The following EVC2 variants were observed in gnomAD, a reference collection of about 807,000 sequenced individuals.
The protein encoded by EVC2 is EvC ciliary complex subunit 2.
A neutral mutation model predicts 149.3 loss-of-function variants in EVC2; 148 were observed. The observed-to-expected ratio is 0.99, with a 90% CI of 0.87 to 1.14. EVC2 has a LOEUF of 1.14. EVC2 is among the 50% of genes most tolerant of loss of function. The pLI, the probability that EVC2 is intolerant of heterozygous loss-of-function variation, is 0.00. For synonymous variants in EVC2, 776 were observed against 649.9 expected, an observed-to-expected ratio of 1.19 and a Z score of -2.95; for missense variants, 1,854 against 1,627.3, an observed-to-expected ratio of 1.14 and a Z score of -2.40.
At chr4:5,628,488 G>A in intron 12 of EVC2, 71 bp downstream of exon 12, 9 of 1,567,760 alleles carry the variant, frequency 5.7e-6, no homozygotes, top group Non-Finnish European at 7.9e-6. Context: ...TACCCAGTCT[G>A]TGGTATTCTG....
rs150699446 is a variant in EVC2 at position 5,665,641 on chromosome 4, C to A, written c.879G>T (p.Pro293=). 2 of 1,614,078 alleles carry A rather than the reference C, an allele frequency of 1.2e-6. No individual in the cohort carries two copies. Among genetic ancestry groups the A allele is most frequent in the Non-Finnish European group, 1.7e-6 (2 of 1,180,010 alleles). ...ACCCTGCTGCGTGGAGGCCGTGGTG[C>A]GGCAGAACCTGTGGAGACAAGAGGA... ...ITAEENVTVL[P]HHGLHAAGFF... is the part of the protein sequence containing the mutation. The change falls in exon 8 of 22, where the codon CCG becomes CCT. Residue 293 remains proline (P), a synonymous_variant. Transcript: ENST00000344408.
At chr4:5,582,683 C>T (rs1711908410) in intron 17 of EVC2, among the ~76,000 whole-genome samples, 1 of 152,172 alleles carries the variant, frequency 6.6e-6, no homozygotes, top group South Asian at 2.1e-4. Context: ...GTGAGAAGAA[C>T]ATGGTATTTG....
chr4:5,704,025 G>C (rs1346436914), intron 1 of EVC2, among the ~76,000 whole-genome samples: 2 of 152,152 alleles, frequency 1.3e-5, no homozygotes, highest in Non-Finnish European at 2.9e-5. Flanking sequence ...AGGAGGCCAG[G>C]GTGCCTGAGC....
downstream of EVC2, chr4:5,542,764 G>A (rs1435379418): frequency 4.9e-6 from 1 of 202,184 alleles, no homozygotes; most frequent in Admixed American, 5.7e-5. Flanking sequence ...CACAGTCCCT[G>A]GCAACAGGGT....
chr4:5,690,745 A>G (rs1333758621), intron 4 of EVC2, among the ~76,000 whole-genome samples: 2 of 152,128 alleles, frequency 1.3e-5, no homozygotes, highest in Non-Finnish European at 2.9e-5. Flanking sequence ...GCTCTGCGAC[A>G]TTCACCTTTT....
Position 5,624,054 on chromosome 4 carries a change from G to A in EVC2, c.2047-1063C>T, listed in dbSNP as rs1372756983. ...GATCATTGAGAGACAACTTAAATGAGGGGGTCAGCAAAGCTTTCAAGGAAG... is the reference window on the plus strand; with the variant it reads ...GATCATTGAGAGACAACTTAAATGAAGGGGTCAGCAAAGCTTTCAAGGAAG... On this transcript the variant is annotated intron_variant, in intron 13 of 21. Coordinates refer to ENST00000344408, the MANE Select transcript of EVC2 (RefSeq NM_147127.5). Among the ~76,000 whole-genome samples the A allele has an allele frequency of 3.3e-5, 5 of 152,182 alleles. No homozygotes were observed. The East Asian group carries it at 5.8e-4, about 18-fold the overall frequency.
chr4:5,663,242 CA>C lies in EVC2; in HGVS notation c.1009del (p.Trp337GlyfsTer18), dbSNP rs766204641. On this transcript the variant is annotated frameshift_variant, in exon 9 of 22. Coordinates refer to ENST00000344408, the MANE Select transcript of EVC2 (RefSeq NM_147127.5). LOFTEE classifies it high-confidence loss of function. ...KGNMLTRHRV[W>X]QYESKLEPLP... Reference sequence around the variant, plus strand: ...GGGTTCCAGCTTGCTCTCATACTGCCAAACCTTCAGGAGAATTGCGGAAATA... The same window carrying C: ...GGGTTCCAGCTTGCTCTCATACTGCCAACCTTCAGGAGAATTGCGGAAATA... 1 of 1,614,070 alleles carries C rather than the reference CA, an allele frequency of 6.2e-7. No homozygotes were observed. The highest frequency in any genetic ancestry group is 8.5e-7 in the Non-Finnish European group (1 of 1,179,982).
In EVC2 at chr4:5,622,928, C is replaced by A. The variant is rs867605179; in HGVS notation, c.2110G>T (p.Gly704Cys). Residue 704 changes from glycine to cysteine, a missense_variant, in exon 14 of 22, where the codon GGC becomes TGC. Gly to Cys is a radical substitution (Grantham distance 159). Coordinates refer to ENST00000344408, the MANE Select transcript of EVC2 (RefSeq NM_147127.5). This position sits in a 1 kb window ranked among gnomAD's most constrained non-coding sequence, Gnocchi z 5.8. Reference sequence around the variant, plus strand: ...CTCCTCTTCTGGTGCAGGTACTGGCCGGCATCCTCAACCGTTCGGAAGGCC... The same window carrying A: ...CTCCTCTTCTGGTGCAGGTACTGGCAGGCATCCTCAACCGTTCGGAAGGCC... ...GEAFRTVEDA[G>C]QYLHQKRSLM... 6.2e-7 allele frequency: 1 copy of A among 1,614,174 alleles called. No individual in the cohort carries two copies. Among genetic ancestry groups the A allele is most frequent in the African/African-American group, 1.3e-5 (1 of 75,040 alleles).
At chr4:5,604,444 C>T (rs1017625742) in intron 16 of EVC2, among the ~76,000 whole-genome samples, 3 of 152,146 alleles carry the variant, frequency 2.0e-5, no homozygotes, top group African/African-American at 7.2e-5. Flanking sequence ...TGAAATAAGG[C>T]AGCCACAGAA....
intron 16 of EVC2, among the ~76,000 whole-genome samples, chr4:5,593,993 T>C (rs1046811859): frequency 6.6e-6 from 1 of 152,190 alleles, no homozygotes; most frequent in Non-Finnish European, 1.5e-5. Context: ...GACATTGAAC[T>C]GCAAGGCGGC....
At position 5,594,872 on chromosome 4, in the gene EVC2, A is replaced by C. The variant is rs1016224515; in HGVS notation, c.2830-10022T>G. Among the ~76,000 whole-genome samples, 3 of 152,218 alleles carry C rather than the reference A, an allele frequency of 2.0e-5. No individual in the cohort carries two copies. In the East Asian group the frequency reaches 5.8e-4, roughly 29 times the overall value. On this transcript the variant is annotated intron_variant, in intron 16 of 21. Coordinates refer to ENST00000344408, the MANE Select transcript of EVC2 (RefSeq NM_147127.5). ...AGAATAACCAATAGAGAAGTGCTCAAAGGAGCTGATGGAGCTGAAAACCAA... is the reference window on the plus strand; with the variant it reads ...AGAATAACCAATAGAGAAGTGCTCACAGGAGCTGATGGAGCTGAAAACCAA...
intron 4 of EVC2, among the ~76,000 whole-genome samples, chr4:5,689,948 C>G (rs1040529931): frequency 7.2e-5 from 11 of 152,214 alleles, no homozygotes; most frequent in African/African-American, 2.7e-4. Flanking sequence ...ACCAGCTTCT[C>G]TCCAGCTCTG....
At chr4:5,624,250 A>T (rs1392854048) in intron 13 of EVC2, among the ~76,000 whole-genome samples, 1 of 152,230 alleles carries the variant, frequency 6.6e-6, no homozygotes, top group Non-Finnish European at 1.5e-5. Flanking sequence ...GGGTCCACAG[A>T]TAGTCTCGGT....
intron 2 of EVC2, among the ~76,000 whole-genome samples, chr4:5,695,747 T>C (rs1577266312): frequency 6.6e-6 from 1 of 152,242 alleles, no homozygotes; most frequent in South Asian, 2.1e-4. Context: ...TTGTCTTTTA[T>C]TCAAATACAA....
Position 5,628,716 on chromosome 4 carries a change from T to C in EVC2, c.1729A>G (p.Met577Val), listed in dbSNP as rs1716312033. ...SKIQENVEEL[M>V]DFFQASKRYH... ...CTCTTACTAGCCTGGAAAAAGTCCA[T>C]TAACTCTTCTACATTCTCCTGTCAA... Residue 577 changes from methionine to valine, a missense_variant, in exon 12 of 22, where the codon ATG becomes GTG. Met to Val is a conservative substitution (Grantham distance 21, BLOSUM62 1). Coordinates refer to ENST00000344408, the MANE Select transcript of EVC2 (RefSeq NM_147127.5). 8 of 1,611,520 alleles carry C rather than the reference T, an allele frequency of 5.0e-6. No homozygotes were observed. The highest frequency in any genetic ancestry group is 6.8e-6 in the Non-Finnish European group (8 of 1,179,886).
chr4:5,643,858 G>A (rs1717520098), intron 9 of EVC2, among the ~76,000 whole-genome samples: 1 of 152,104 alleles, frequency 6.6e-6, no homozygotes, highest in African/African-American at 2.4e-5. Context: ...TTGCACCACG[G>A]CACTCCAGCC....
At chr4:5,655,011 C>T (rs1035819004) in intron 9 of EVC2, among the ~76,000 whole-genome samples, 1 of 152,174 alleles carries the variant, frequency 6.6e-6, no homozygotes, top group Non-Finnish European at 1.5e-5. Flanking sequence ...TCGTGCCTAG[C>T]GCTGAAGGAG....
downstream of EVC2, among the ~76,000 whole-genome samples, chr4:5,538,379 T>G (rs993446296): frequency 3.9e-5 from 6 of 152,124 alleles, no homozygotes; most frequent in Non-Finnish European, 8.8e-5. Context: ...AGGGGGTAAT[T>G]TGAACAAATA....
intron 9 of EVC2, among the ~76,000 whole-genome samples, chr4:5,654,295 G>C (rs1191561403): frequency 6.6e-6 from 1 of 151,946 alleles, no homozygotes; most frequent in Non-Finnish European, 1.5e-5. Flanking sequence ...GTCAGCCCTG[G>C]AGTCCAGGAA....
Sources: allele counts gnomAD v4.1 joint callset (sites outside exome capture counted in the v4.1 genomes callset), GRCh38; gene constraint gnomAD v4.1.1; non-coding constraint Gnocchi (gnomAD v3.1); transcripts MANE v1.5; gene names NCBI Gene and HGNC (gene_info 2026-07-23, HGNC 2026-07-21).